TENM4: variants seen among roughly 807,000 people sequenced by gnomAD.
TENM4 encodes the protein teneurin transmembrane protein 4.
A neutral mutation model predicts 243.3 loss-of-function variants in TENM4; 82 were observed. The ratio of observed to expected loss-of-function variants is 0.34; its 90% CI spans 0.28 to 0.40. TENM4 has a LOEUF of 0.40. Ranked by LOEUF, TENM4 falls within the 10% of genes least tolerant of loss-of-function variation. The probability of loss-of-function intolerance (pLI) is 1.00; values close to 1 mark genes in which losing one functional copy is unlikely to be tolerated. For missense variants in TENM4, 3,138 were observed against 3,673.3 expected (o/e 0.85, Z 3.77); for synonymous variants, 1,412 against 1,456.3 (o/e 0.97, Z 0.69).
At chr11:79,218,050 A>G (rs1864086685) in intron 2 of TENM4, among the ~76,000 whole-genome samples, 1 of 152,168 alleles carries the variant, frequency 6.6e-6, no homozygotes, top group Non-Finnish European at 1.5e-5. Context: ...AGTAAAGTTA[A>G]CAAGAGTTTG....
At chr11:79,159,577 T>C (rs912283638) in intron 3 of TENM4, among the ~76,000 whole-genome samples, 1 of 152,138 alleles carries the variant, frequency 6.6e-6, no homozygotes, top group African/African-American at 2.4e-5. Flanking sequence ...CCACCTCTCA[T>C]AATTATAATT....
chr11:79,029,503 T>G (rs1015190163), intron 6 of TENM4, among the ~76,000 whole-genome samples: 3 of 152,204 alleles, frequency 2.0e-5, no homozygotes, highest in Non-Finnish European at 4.4e-5. Flanking sequence ...CTCTACTTTC[T>G]GAATCATTAA....
chr11:79,043,234 T>C (rs547807786), intron 6 of TENM4, among the ~76,000 whole-genome samples: 2 of 152,360 alleles, frequency 1.3e-5, no homozygotes, highest in East Asian at 3.9e-4. Context: ...GATAATGTTC[T>C]ATTGTGTTCA....
intron 4 of TENM4, among the ~76,000 whole-genome samples, chr11:79,147,075 G>C (rs1183312050): frequency 2.0e-5 from 3 of 152,050 alleles, no homozygotes; most frequent in Non-Finnish European, 4.4e-5. Context: ...AAATCAGTGG[G>C]GCTGGACTCT....
chr11:78,871,177 G>T (rs1395524645), intron 9 of TENM4, among the ~76,000 whole-genome samples: 4 of 152,150 alleles, frequency 2.6e-5, no homozygotes, highest in Non-Finnish European at 5.9e-5. Flanking sequence ...TGGTTCTGAT[G>T]TGACCAGTTA....
At chr11:79,257,114 G>T (rs986047334) in intron 2 of TENM4, among the ~76,000 whole-genome samples, 8 of 152,100 alleles carry the variant, frequency 5.3e-5, no homozygotes, top group Non-Finnish European at 8.8e-5. Flanking sequence ...CAGGATGCAT[G>T]CAGGTGGTAG....
At chr11:78,781,136 T>C (rs1294009423) in intron 16 of TENM4, among the ~76,000 whole-genome samples, 1 of 152,256 alleles carries the variant, frequency 6.6e-6, no homozygotes, top group Non-Finnish European at 1.5e-5. Context: ...CGGAAGTCCA[T>C]ACTGTGGTTG....
intron 3 of TENM4, among the ~76,000 whole-genome samples, chr11:79,173,089 A>G (rs745849831): frequency 9.9e-5 from 15 of 152,236 alleles, no homozygotes; most frequent in Non-Finnish European, 2.1e-4. Flanking sequence ...ATCAAAAACT[A>G]AACTTATTTT....
At chr11:79,193,377 A>G (rs926166593) in intron 3 of TENM4, among the ~76,000 whole-genome samples, 5 of 152,126 alleles carry the variant, frequency 3.3e-5, no homozygotes, top group African/African-American at 1.2e-4. Flanking sequence ...GATGACTTAC[A>G]TTTTAGGGGT....
At chr11:78,985,261 T>C (rs1237834771) in intron 6 of TENM4, among the ~76,000 whole-genome samples, 2 of 152,188 alleles carry the variant, frequency 1.3e-5, no homozygotes, top group East Asian at 3.9e-4. Context: ...ATACAGATTT[T>C]TTTTTTTGAT....
chr11:79,069,939 G>A lies in TENM4; in HGVS notation c.6C>T (p.Asp2=), dbSNP rs758363238. ...AGCGGTAAGGCTTCCTCTCCTTCAC[G>A]TCCATGGCCTCCGGCCCGCGCTCCT... The part of the protein sequence containing the change: M[D]VKERKPYRSL... The change falls in exon 5 of 34, where the codon GAC becomes GAT. Residue 2 remains aspartate, a synonymous_variant. Transcript: ENST00000278550. 39 of 1,545,586 alleles carry A rather than the reference G, an allele frequency of 2.5e-5. No individual in the cohort carries two copies. The South Asian group carries it at 4.6e-4, about 18-fold the overall frequency.
At chr11:78,795,343 T>G (rs1857140056) in intron 15 of TENM4, among the ~76,000 whole-genome samples, 1 of 152,210 alleles carries the variant, frequency 6.6e-6, no homozygotes, top group African/African-American at 2.4e-5. Context: ...ATTGCCAGAT[T>G]CCAGTGGTAC....
chr11:78,748,820 C>T lies in TENM4; in HGVS notation c.2756+7985G>A, dbSNP rs147767318. On this transcript the variant is annotated intron_variant, in intron 19 of 33. Transcript: ENST00000278550. The stretch of plus-strand genomic sequence containing the variant: ...GTAAATGTTAGGTGTTAGTACTGAA[C>T]GCATGCTATGAGCCAGACATCGGGC... Among the ~76,000 whole-genome samples, 755 of 152,246 alleles carry T rather than the reference C, an allele frequency of 5.0e-3. 5 individuals are homozygous for T. Among genetic ancestry groups the T allele is most frequent in the African/African-American group, 0.017 (696 of 41,524 alleles).
At chr11:79,373,693 C>T (rs957680609) in intron 1 of TENM4, among the ~76,000 whole-genome samples, 1 of 152,032 alleles carries the variant, frequency 6.6e-6, no homozygotes, top group African/African-American at 2.4e-5. Flanking sequence ...AAAATGAAAA[C>T]GTTTTTCTTA....
At chr11:78,854,985 C>T (rs912169817) in intron 11 of TENM4, among the ~76,000 whole-genome samples, 2 of 152,164 alleles carry the variant, frequency 1.3e-5, no homozygotes, top group African/African-American at 2.4e-5. Flanking sequence ...AAGTCAGTTA[C>T]ACTGTGTTAA....
intron 2 of TENM4, among the ~76,000 whole-genome samples, chr11:79,278,954 C>G (rs1008148857): frequency 1.3e-5 from 2 of 152,208 alleles, no homozygotes; most frequent in African/African-American, 4.8e-5. Flanking sequence ...CAGACCCAGA[C>G]AAGCGCACAG....
At chr11:79,154,289 T>G (rs1190561369) in intron 3 of TENM4, among the ~76,000 whole-genome samples, 1 of 149,250 alleles carries the variant, frequency 6.7e-6, no homozygotes, top group Non-Finnish European at 1.5e-5. Flanking sequence ...AGAGAGGGAG[T>G]GAGAGAGAGA....
At chr11:78,770,096 AG>A (rs1856616855) in intron 18 of TENM4, among the ~76,000 whole-genome samples, 1 of 152,234 alleles carries the variant, frequency 6.6e-6, no homozygotes, top group South Asian at 2.1e-4. Flanking sequence ...CTAGGAAGAA[AG>A]GGTTAACTGT....
At chr11:79,295,993 T>C (rs1438547564) in intron 2 of TENM4, among the ~76,000 whole-genome samples, 3 of 151,620 alleles carry the variant, frequency 2.0e-5, no homozygotes, top group Middle Eastern at 3.4e-3. Flanking sequence ...CTGCGTATCA[T>C]GTACATTACA....
Sources: gnomAD v4.1 joint callset for allele counts (sites outside exome capture counted in the v4.1 genomes callset) on GRCh38, gnomAD v4.1.1 for gene constraint, MANE v1.5 for transcripts, NCBI Gene and HGNC (gene_info 2026-07-23, HGNC 2026-07-21) for gene names.